Variants in CDH4 observed in about 807,000 individuals in gnomAD.
CDH4 encodes cadherin-4.
In CDH4, 33 loss-of-function variants were observed where a neutral mutation model predicts 86.0. The ratio of observed to expected loss-of-function variants is 0.38; its 90% confidence interval spans 0.29 to 0.51. The LOEUF (loss-of-function observed/expected upper bound fraction) is 0.51. CDH4 is among the 20% of genes least tolerant of loss of function. The pLI is 0.86. For missense variants in CDH4, 1,114 were observed against 1,307.4 expected (o/e 0.85, Z 2.28); for synonymous variants, 555 against 549.4 (o/e 1.01, Z -0.14).
intron 5 of CDH4, among the ~76,000 whole-genome samples, chr20:61,845,035 G>A (rs558861370): frequency 1.3e-5 from 2 of 152,382 alleles, no homozygotes; most frequent in East Asian, 3.9e-4. Context: ...GCCCAGGGTG[G>A]GCCTGGGAAA....
chr20:61,483,732 A>G (rs1431325449), intron 2 of CDH4, among the ~76,000 whole-genome samples: 1 of 121,768 alleles, frequency 8.2e-6, no homozygotes, highest in Non-Finnish European at 1.6e-5. Context: ...GACCTAGTGG[A>G]TGCATGCCCT....
intron 2 of CDH4, among the ~76,000 whole-genome samples, chr20:61,440,804 C>T (rs921276654): frequency 2.0e-5 from 3 of 152,184 alleles, no homozygotes; most frequent in Admixed American, 6.5e-5. Context: ...TGTCATGGCG[C>T]TTCTCTGAGA....
At chr20:61,649,654 C>T (rs2087101055) in intron 2 of CDH4, among the ~76,000 whole-genome samples, 1 of 152,108 alleles carries the variant, frequency 6.6e-6, no homozygotes, top group Non-Finnish European at 1.5e-5. Context: ...CGTGGCTGAA[C>T]GGGGGCTCGG....
intron 2 of CDH4, among the ~76,000 whole-genome samples, chr20:61,576,305 T>C (rs1186434744): frequency 1.3e-5 from 2 of 152,202 alleles, no homozygotes; most frequent in Admixed American, 1.3e-4. Flanking sequence ...CTCTCTGTCA[T>C]GATGCTTCCC....
chr20:61,478,396 G>T (rs1412951518), intron 2 of CDH4, among the ~76,000 whole-genome samples: 1 of 145,938 alleles, frequency 6.9e-6, no homozygotes, highest in Non-Finnish European at 1.5e-5. Flanking sequence ...GAGCAATGAG[G>T]TTTCTGCTGA....
At chr20:61,638,158 G>C (rs1215457273) in intron 2 of CDH4, among the ~76,000 whole-genome samples, 2 of 152,192 alleles carry the variant, frequency 1.3e-5, no homozygotes, top group Admixed American at 6.5e-5. Context: ...CGAGTGGAAG[G>C]GGGCACACAT....
At chr20:61,672,770 C>T (rs768636914) in intron 2 of CDH4, among the ~76,000 whole-genome samples, 1 of 152,090 alleles carries the variant, frequency 6.6e-6, no homozygotes, top group African/African-American at 2.4e-5. Flanking sequence ...TATGGAGCAT[C>T]CCTGGGAACC....
intron 2 of CDH4, among the ~76,000 whole-genome samples, chr20:61,344,143 G>T (rs887977215): frequency 1.3e-5 from 2 of 152,144 alleles, no homozygotes; most frequent in African/African-American, 4.8e-5. Context: ...ATGAGGACTG[G>T]GGAGGAGACG....
intron 12 of CDH4, among the ~76,000 whole-genome samples, chr20:61,928,893 CATT>C: frequency 6.6e-6 from 1 of 152,194 alleles, no homozygotes. Context: ...CAACACTGAA[CATT>C]ATTGTTTTAA....
chr20:61,712,186 C>T (rs2087901151), intron 2 of CDH4, among the ~76,000 whole-genome samples: 1 of 152,166 alleles, frequency 6.6e-6, no homozygotes, highest in Non-Finnish European at 1.5e-5. Context: ...CCGTCTCCAC[C>T]AAGCCAAGTA....
Position 61,923,577 on chromosome 20 carries a change from A to C in CDH4, c.1501A>C (p.Ile501Leu). 6.2e-7 allele frequency: 1 copy of C among 1,614,160 alleles called. No homozygotes were observed. Among genetic ancestry groups the C allele is most frequent in the Admixed American group, 1.7e-5 (1 of 60,028 alleles). Residue 501 changes from isoleucine (I) to leucine (L), a missense_variant, in exon 10 of 16, where the codon ATC becomes CTC. Transcript: ENST00000614565. ...AGGGGTGACCATCTCCATCATGGAC[A>C]TCAACGAGGCTCCCTACTTCCCCTC... ...TAGVTISIMDINEAPYFPSNH... is the reference protein window; with the variant it reads ...TAGVTISIMDLNEAPYFPSNH...
intron 2 of CDH4, among the ~76,000 whole-genome samples, chr20:61,406,695 TGCCA>T (rs2085085678): frequency 1.6e-5 from 2 of 128,310 alleles, no homozygotes; most frequent in East Asian, 2.8e-4. Context: ...GACCACCATC[TGCCA>T]TCTGCTCTGC....
chr20:61,908,050 G>C (rs910468584), intron 8 of CDH4, among the ~76,000 whole-genome samples: 5 of 152,192 alleles, frequency 3.3e-5, no homozygotes, highest in African/African-American at 1.2e-4. Context: ...AGCTGGGCCG[G>C]GCTGCGGGGT....
intron 2 of CDH4, among the ~76,000 whole-genome samples, chr20:61,634,948 G>A (rs1054779423): frequency 6.6e-6 from 1 of 152,188 alleles, no homozygotes; most frequent in Non-Finnish European, 1.5e-5. Context: ...GCATGATAAT[G>A]TTCCGAAGCG....
intron 2 of CDH4, among the ~76,000 whole-genome samples, chr20:61,433,489 T>C (rs1476574983): frequency 6.9e-6 from 1 of 145,100 alleles, no homozygotes; most frequent in East Asian, 2.0e-4. Flanking sequence ...CTATGAATTT[T>C]AGAATCCACT....
At chr20:61,865,424 T>G (rs1007664451) in intron 6 of CDH4, among the ~76,000 whole-genome samples, 1 of 152,188 alleles carries the variant, frequency 6.6e-6, no homozygotes, top group African/African-American at 2.4e-5. Context: ...GATAGGTTGC[T>G]TCCTGGCTGG....
At chr20:61,854,963 G>A (rs1982932941) in intron 6 of CDH4, among the ~76,000 whole-genome samples, 1 of 136,816 alleles carries the variant, frequency 7.3e-6, no homozygotes, top group Admixed American at 7.2e-5. Context: ...TTGCGCCTTT[G>A]GCCCACCCCC....
At chr20:61,369,158 A>G (rs1402327624) in intron 2 of CDH4, among the ~76,000 whole-genome samples, 3 of 152,166 alleles carry the variant, frequency 2.0e-5, no homozygotes, top group African/African-American at 7.2e-5. Flanking sequence ...TCTTTTGTTA[A>G]AAGACATTGT....
chr20:61,793,669 A>G (rs989057698), intron 4 of CDH4, among the ~76,000 whole-genome samples: 27 of 151,512 alleles, frequency 1.8e-4, no homozygotes, highest in East Asian at 7.9e-4. Flanking sequence ...GTGAAACCCC[A>G]TCTCTACTAA....
Sources: gnomAD v4.1 joint callset for allele counts (sites outside exome capture counted in the v4.1 genomes callset) on GRCh38, gnomAD v4.1.1 for gene constraint, MANE v1.5 for transcripts, NCBI Gene and HGNC (gene_info 2026-07-23, HGNC 2026-07-21) for gene names.